The following RBM47 variants were observed in gnomAD, a reference collection of about 807,000 sequenced individuals.
RBM47 encodes the protein RNA binding motif protein 47.
Under a neutral mutation model 47.1 loss-of-function variants are expected in RBM47, and 21 were observed. That is an observed-to-expected ratio of 0.45 (90% CI 0.32 to 0.64). RBM47 has a LOEUF of 0.64. Ranked by LOEUF, RBM47 falls within the 30% of genes least tolerant of loss-of-function variation. The pLI is 0.05. For synonymous variants in RBM47, 375 were observed against 361.7 expected (o/e 1.04, Z -0.42); for missense variants, 708 against 870.9 (o/e 0.81, Z 2.35).
intron 1 of RBM47, among the ~76,000 whole-genome samples, chr4:40,570,844 A>G (rs535186888): frequency 6.7e-6 from 1 of 148,152 alleles, no homozygotes; most frequent in South Asian, 2.2e-4. Context: ...TGCTAAAGTT[A>G]TATTTTTTAA....
intron 1 of RBM47, among the ~76,000 whole-genome samples, chr4:40,613,173 A>AT (rs911985943): frequency 2.6e-5 from 4 of 151,788 alleles, no homozygotes; most frequent in African/African-American, 4.8e-5. Context: ...AATGATTTTT[A>AT]TTTTTTTTGC....
intron 2 of RBM47, among the ~76,000 whole-genome samples, chr4:40,525,061 G>A (rs1318965302): frequency 6.6e-6 from 1 of 152,138 alleles, no homozygotes; most frequent in Non-Finnish European, 1.5e-5. Flanking sequence ...TGTGTTACAT[G>A]ATTTGCAAAT....
intron 2 of RBM47, among the ~76,000 whole-genome samples, chr4:40,476,202 G>A (rs1057442563): frequency 3.2e-4 from 49 of 152,034 alleles, no homozygotes; most frequent in African/African-American, 1.1e-3. Context: ...ATAAATATAC[G>A]TAAAGTGTTT....
chr4:40,564,475 GA>G (rs1178333521), intron 1 of RBM47, among the ~76,000 whole-genome samples: 1 of 152,226 alleles, frequency 6.6e-6, no homozygotes, highest in African/African-American at 2.4e-5. Context: ...GTAAGCCAGT[GA>G]CATTTGGAGG....
At chr4:40,456,683 G>A (rs1220062883) in intron 3 of RBM47, among the ~76,000 whole-genome samples, 2 of 146,782 alleles carry the variant, frequency 1.4e-5, no homozygotes, top group Non-Finnish European at 3.0e-5. Context: ...CTCCTACCTC[G>A]ACCTCTCAGG....
Position 40,438,563 on chromosome 4 carries a change from G to A in RBM47, c.331C>T (p.Arg111Cys), listed in dbSNP as rs1479498250. Residue 111 changes from arginine (R) to cysteine (C), a missense_variant, in exon 4 of 7, where the codon CGC (arginine) becomes TGC (cysteine). Arg to Cys is a radical substitution (Grantham distance 180). Coordinates refer to ENST00000295971, the MANE Select transcript of RBM47 (RefSeq NM_001098634.2). ...RLMMDFDGKN[R>C]GYAFVMYCHK... ...CAGTACATGACGAAGGCGTAGCCGC[G>A]GTTCTTGCCGTCAAAGTCCATCATG... 6.2e-7 allele frequency: 1 copy of A among 1,613,928 alleles called. No individual in the cohort carries two copies.
chr4:40,462,551 C>T (rs1447514802), intron 3 of RBM47, among the ~76,000 whole-genome samples: 1 of 152,088 alleles, frequency 6.6e-6, no homozygotes, highest in African/African-American at 2.4e-5. Flanking sequence ...TTGCTGAGCC[C>T]AACTGCCGCC....
intron 1 of RBM47, among the ~76,000 whole-genome samples, chr4:40,545,781 G>A (rs1284314033): frequency 6.6e-6 from 1 of 152,040 alleles, no homozygotes; most frequent in East Asian, 1.9e-4. Context: ...GGTTTGACCA[G>A]GTGCTCGAAA....
chr4:40,481,798 C>T (rs1034690763), intron 2 of RBM47, among the ~76,000 whole-genome samples: 8 of 152,120 alleles, frequency 5.3e-5, no homozygotes, highest in African/African-American at 1.4e-4. Flanking sequence ...GCGATCCGCC[C>T]GCCTTGGTCT....
At chr4:40,616,226 C>T (rs1252878881) in intron 1 of RBM47, among the ~76,000 whole-genome samples, 6 of 151,740 alleles carry the variant, frequency 4.0e-5, no homozygotes, top group African/African-American at 1.2e-4. Context: ...TGGTGGCGGG[C>T]GCCTGTAGTC....
At chr4:40,545,917 A>T (rs1330896311) in intron 1 of RBM47, among the ~76,000 whole-genome samples, 1 of 152,024 alleles carries the variant, frequency 6.6e-6, no homozygotes, top group East Asian at 1.9e-4. Context: ...GTGACAAGAG[A>T]TATGAAGCCT....
chr4:40,441,685 C>T (rs1477564433), intron 3 of RBM47, among the ~76,000 whole-genome samples: 1 of 152,136 alleles, frequency 6.6e-6, no homozygotes, highest in African/African-American at 2.4e-5. Flanking sequence ...TTCCTGTCAC[C>T]CTAACTGTGC....
intron 6 of RBM47, among the ~76,000 whole-genome samples, chr4:40,426,459 C>A (rs964544925): frequency 1.4e-4 from 21 of 152,170 alleles, no homozygotes; most frequent in African/African-American, 4.8e-4. Flanking sequence ...TCCGTGGATA[C>A]CAAAATCCTC....
At chr4:40,579,565 G>C (rs1002156417) in intron 1 of RBM47, among the ~76,000 whole-genome samples, 7 of 151,984 alleles carry the variant, frequency 4.6e-5, no homozygotes, top group Non-Finnish European at 1.0e-4. Context: ...TCTGACTTAA[G>C]TGGGAACTAG....
At chr4:40,527,215 T>C (rs1726815445) in intron 2 of RBM47, among the ~76,000 whole-genome samples, 1 of 151,724 alleles carries the variant, frequency 6.6e-6, no homozygotes, top group African/African-American at 2.4e-5. Flanking sequence ...CTCCACCTCC[T>C]GGGTTCAAGC....
At chr4:40,443,266 T>C (rs2154215741) in intron 3 of RBM47, among the ~76,000 whole-genome samples, 1 of 152,172 alleles carries the variant, frequency 6.6e-6, no homozygotes, top group African/African-American at 2.4e-5. Flanking sequence ...GTGAATATAC[T>C]TCCTGCCAAT....
chr4:40,425,784 TCTG>T lies in RBM47; in HGVS notation c.*117_*119del. ...GTATATAAAATAATTCAGAAATAAA[TCTG>T]CTAACATTCTTCACTTTCAGGTTGC... On this transcript the variant is annotated 3_prime_UTR_variant, in exon 7 of 7. Coordinates refer to ENST00000295971, the MANE Select transcript of RBM47 (RefSeq NM_001098634.2). 2.2e-6 allele frequency: 3 copies of T among 1,373,138 alleles called. No homozygotes were observed. In the South Asian group the frequency reaches 4.4e-5, roughly 20 times the overall value. 85.1% of individuals were successfully genotyped at this position (1,373,138 alleles called of 1,614,324 possible). A position where few individuals can be genotyped will look rare whatever the true frequency, so the allele number is the denominator to read the frequency against.
rs1299017194 is a variant in RBM47 at position 40,424,953 on chromosome 4, G to T, written c.*951C>A. 6.6e-6 allele frequency: 1 copy of T among 150,494 alleles called. No individual in the cohort carries two copies. Among genetic ancestry groups the T allele is most frequent in the Non-Finnish European group, 1.5e-5 (1 of 67,866 alleles). The allele number at this position is 150,494 out of a possible 1,614,324, so 9.3% of individuals were successfully genotyped here. A position where few individuals can be genotyped will look rare whatever the true frequency, so the allele number is the denominator to read the frequency against. ...TACTCTGCTACTGAAAATAGCACACGTAGAAGACAATACTTCCCCAACCAA... is the reference window on the plus strand; with the variant it reads ...TACTCTGCTACTGAAAATAGCACACTTAGAAGACAATACTTCCCCAACCAA... On this transcript the variant is annotated 3_prime_UTR_variant, in exon 7 of 7. Transcript: ENST00000295971.
intron 1 of RBM47, among the ~76,000 whole-genome samples, chr4:40,611,581 T>A (rs910951222): frequency 4.0e-5 from 6 of 150,624 alleles, no homozygotes; most frequent in Admixed American, 2.0e-4. Context: ...AAAAAAAAAT[T>A]AGCTGGGTAT....
Sources: gnomAD v4.1 joint callset for allele counts (sites outside exome capture counted in the v4.1 genomes callset) on GRCh38, gnomAD v4.1.1 for gene constraint, MANE v1.5 for transcripts, NCBI Gene and HGNC (gene_info 2026-07-23, HGNC 2026-07-21) for gene names.